Variants in PFKFB3 observed in about 807,000 individuals in gnomAD.
PFKFB3 encodes 6-phosphofructo-2-kinase/fructose-2,6-biphosphatase 3.
In PFKFB3, 33 loss-of-function variants were observed where a neutral mutation model predicts 68.0. The ratio of observed to expected loss-of-function variants is 0.49; its 90% CI spans 0.37 to 0.65. The LOEUF is 0.65. Ranked by LOEUF, PFKFB3 falls within the 30% of genes least tolerant of loss-of-function variation. PFKFB3 has a pLI of 0.00. For missense variants in PFKFB3, 586 were observed against 712.2 expected, an observed-to-expected ratio of 0.82 and a Z score of 2.02; for synonymous variants, 315 against 288.2, an observed-to-expected ratio of 1.09 and a Z score of -0.94.
chr10:6,276,290 A>G, the PFKFB3 span, among the ~76,000 whole-genome samples: 1 of 152,124 alleles, frequency 6.6e-6, no homozygotes, highest in Non-Finnish European at 1.5e-5. Flanking sequence ...GTTGTTGTTT[A>G]TTTATATGTA....
the PFKFB3 span, among the ~76,000 whole-genome samples, chr10:6,302,771 CACACACACAT>C: frequency 1.4e-5 from 2 of 144,162 alleles, no homozygotes; most frequent in South Asian, 2.2e-4. Flanking sequence ...CACACACACA[CACACACACAT>C]ATACACATAC....
the PFKFB3 span, among the ~76,000 whole-genome samples, chr10:6,325,727 T>C: frequency 6.6e-6 from 1 of 152,230 alleles, no homozygotes; most frequent in African/African-American, 2.4e-5. Flanking sequence ...AGCAATGGGA[T>C]ATAATCCTTC....
At chr10:6,218,800 A>T (rs1459492524) in intron 6 of PFKFB3, among the ~76,000 whole-genome samples, 2 of 151,926 alleles carry the variant, frequency 1.3e-5, no homozygotes, top group Non-Finnish European at 2.9e-5. Context: ...CAACCGCCAC[A>T]CTCTATCCGC....
chr10:6,177,354 C>CTCTT (rs71294418), intron 1 of PFKFB3, among the ~76,000 whole-genome samples: 10,146 of 77,950 alleles, frequency 0.13, 859 homozygotes, highest in African/African-American at 0.17. Context: ...CTTTTCTTTT[C>CTCTT]TCTTTCTTTC....
At position 6,226,355 on chromosome 10, in the gene PFKFB3, T is replaced by C; in HGVS notation, c.1505T>C (p.Leu502Pro). Residue 502 changes from leucine to proline, a missense_variant, in exon 14 of 15, where the codon CTG becomes CCG. Coordinates refer to ENST00000379775, the MANE Select transcript of PFKFB3 (RefSeq NM_004566.4). Reference sequence around the variant, plus strand: ...CTGCCCCCGGAGGTGCCCACGCAGCTGCCTGGACAAGTCAGTGCACTCCCC... The same window carrying C: ...CTGCCCCCGGAGGTGCCCACGCAGCCGCCTGGACAAGTCAGTGCACTCCCC... ...SCLPPEVPTQLPGQNMKGSRS... is the reference protein window; with the variant it reads ...SCLPPEVPTQPPGQNMKGSRS... 6.2e-7 allele frequency: 1 copy of C among 1,612,334 alleles called. No individual in the cohort carries two copies.
At chr10:6,155,288 C>T (rs1448973943) in intron 1 of PFKFB3, among the ~76,000 whole-genome samples, 1 of 149,734 alleles carries the variant, frequency 6.7e-6, no homozygotes, top group Admixed American at 6.8e-5. Context: ...CTGCAAGCTC[C>T]GCCTCCCGGG....
chr10:6,299,968 C>CTTTTTT, the PFKFB3 span, among the ~76,000 whole-genome samples: 18 of 48,594 alleles, frequency 3.7e-4, 1 homozygote, highest in African/African-American at 1.2e-3. Flanking sequence ...GTTCAGAAGA[C>CTTTTTT]TTTTTTTTTT....
At chr10:6,304,685 C>CTT in the PFKFB3 span, among the ~76,000 whole-genome samples, 10 of 133,568 alleles carry the variant, frequency 7.5e-5, no homozygotes, top group East Asian at 2.2e-4. Flanking sequence ...ATATTAGGAA[C>CTT]TTTTTTTTTT....
the PFKFB3 span, among the ~76,000 whole-genome samples, chr10:6,296,469 A>G: frequency 2.6e-5 from 4 of 152,234 alleles, no homozygotes; most frequent in Non-Finnish European, 5.9e-5. Context: ...GTTTATTAAG[A>G]AAGTGAAGTA....
chr10:6,264,208 C>A, the PFKFB3 span, among the ~76,000 whole-genome samples: 2 of 152,158 alleles, frequency 1.3e-5, no homozygotes, highest in Non-Finnish European at 2.9e-5. Context: ...ATTACGTATT[C>A]GTCTAAACTT....
At chr10:6,303,833 G>C in the PFKFB3 span, among the ~76,000 whole-genome samples, 1 of 149,806 alleles carries the variant, frequency 6.7e-6, no homozygotes, top group Non-Finnish European at 1.5e-5. Flanking sequence ...GAAAAATGAA[G>C]AAAATGAAAA....
chr10:6,166,631 C>T (rs1454056919), intron 1 of PFKFB3, among the ~76,000 whole-genome samples: 6 of 152,128 alleles, frequency 3.9e-5, no homozygotes, highest in Admixed American at 1.3e-4. Context: ...TTCTCTCAGA[C>T]GGAGGCAGCC....
At chr10:6,231,397 C>T (rs1588546497) in intron 14 of PFKFB3, 17 of 1,593,960 alleles carry the variant, frequency 1.1e-5, no homozygotes, top group African/African-American at 2.7e-5. Context: ...TCGTGCAATG[C>T]GGGGCTCATC....
chr10:6,220,871 G>T lies in PFKFB3; in HGVS notation c.831+6G>T. The T allele has an allele frequency of 6.2e-7, 1 of 1,609,400 alleles. No individual in the cohort carries two copies. On this transcript the variant is annotated splice_donor_region_variant and intron_variant, in intron 8 of 14. Transcript: ENST00000379775. This position sits in a 1 kb window ranked among gnomAD's most constrained non-coding sequence, Gnocchi z 4.1. Reference sequence around the variant, plus strand: ...TGTCCAGCCGGGGCAAGAAGGTGCGGGGTGTGCTGCCGCATGGGCCGTTCT... The same window carrying T: ...TGTCCAGCCGGGGCAAGAAGGTGCGTGGTGTGCTGCCGCATGGGCCGTTCT...
chr10:6,223,060 T>G (rs1239164781), intron 11 of PFKFB3, 76 bp downstream of exon 11: 1 of 1,454,302 alleles, frequency 6.9e-7, no homozygotes, highest in Admixed American at 1.9e-5. Context: ...GCCGCAGACC[T>G]GCCGTGGCCT....
chr10:6,268,403 G>A, the PFKFB3 span, among the ~76,000 whole-genome samples: 37 of 151,882 alleles, frequency 2.4e-4, no homozygotes, highest in Non-Finnish European at 5.0e-4. Context: ...TGTAATCCCA[G>A]CACTTGAGGT....
chr10:6,169,371 G>T (rs1363973951), intron 1 of PFKFB3, among the ~76,000 whole-genome samples: 2 of 152,190 alleles, frequency 1.3e-5, no homozygotes, highest in Non-Finnish European at 2.9e-5. Context: ...GCGGCTGTGA[G>T]CAGGGTAGGG....
At chr10:6,322,957 T>C in the PFKFB3 span, among the ~76,000 whole-genome samples, 3 of 152,220 alleles carry the variant, frequency 2.0e-5, no homozygotes, top group Non-Finnish European at 4.4e-5. Flanking sequence ...CCCTGGTGAG[T>C]CAGGTTCACT....
the PFKFB3 span, among the ~76,000 whole-genome samples, chr10:6,290,388 T>C: frequency 1.3e-5 from 2 of 152,160 alleles, no homozygotes; most frequent in Admixed American, 6.5e-5. Flanking sequence ...CATCAATACC[T>C]AATTTATTGA....
Sources: allele counts gnomAD v4.1 joint callset (sites outside exome capture counted in the v4.1 genomes callset), GRCh38; gene constraint gnomAD v4.1.1; non-coding constraint Gnocchi (gnomAD v3.1); transcripts MANE v1.5; gene names NCBI Gene and HGNC (gene_info 2026-07-23, HGNC 2026-07-21).